The following ANKRD55 variants were observed in gnomAD, a reference collection of about 807,000 sequenced individuals.
The protein encoded by ANKRD55 is ankyrin repeat domain-containing protein 55.
In ANKRD55, 41 loss-of-function variants were observed where a neutral mutation model predicts 60.6. The observed-to-expected ratio is 0.68, with a 90% confidence interval of 0.53 to 0.88. The LOEUF (loss-of-function observed/expected upper bound fraction) is 0.88, where lower values mean the gene tolerates loss of function less well. Among genes scored for constraint, ANKRD55 ranks in the 40% least tolerant of loss-of-function variants. ANKRD55 has a pLI of 0.00. For missense variants in ANKRD55, 732 were observed against 767.6 expected, an observed-to-expected ratio of 0.95 and a Z score of 0.55; for synonymous variants, 264 against 290.3, an observed-to-expected ratio of 0.91 and a Z score of 0.92.
chr5:56,167,301 GTGACTGTACTAGACAC>G (rs1262763578), intron 5 of ANKRD55, among the ~76,000 whole-genome samples: 1 of 152,246 alleles, frequency 6.6e-6, no homozygotes, highest in East Asian at 1.9e-4. Context: ...TGCACAGCAT[GTGACTGTACTAGACAC>G]TGTAGGCAAT....
At chr5:56,168,751 C>T (rs1758541968) in intron 5 of ANKRD55, among the ~76,000 whole-genome samples, 1 of 152,214 alleles carries the variant, frequency 6.6e-6, no homozygotes, top group East Asian at 1.9e-4. Context: ...ATTCTGTGCT[C>T]TTAGGGGATG....
At chr5:56,161,476 A>C (rs559558471) in intron 5 of ANKRD55, among the ~76,000 whole-genome samples, 145 of 152,374 alleles carry the variant, frequency 9.5e-4, no homozygotes, top group Non-Finnish European at 1.8e-3. Flanking sequence ...CCTAAGTATT[A>C]AATTGTTACT....
At chr5:56,124,818 A>G (rs1580957180) in intron 8 of ANKRD55, among the ~76,000 whole-genome samples, 1 of 152,128 alleles carries the variant, frequency 6.6e-6, no homozygotes. Flanking sequence ...GAAAAATTCA[A>G]CTATTAACAG....
chr5:56,127,455 G>GT (rs1757301856), intron 7 of ANKRD55: 1 of 985,082 alleles, frequency 1.0e-6, no homozygotes, highest in African/African-American at 1.8e-5. Context: ...TTGCTCATTA[G>GT]GTCTGATCAT....
intron 2 of ANKRD55, among the ~76,000 whole-genome samples, chr5:56,210,560 CAAAAAAAAAAAA>C (rs59566826): frequency 1.4e-4 from 9 of 65,158 alleles, no homozygotes; most frequent in African/African-American, 3.5e-4. Flanking sequence ...GACTACGTCT[CAAAAAAAAAAAA>C]AAAAAAAAAA....
chr5:56,121,850 T>G (rs1188545421), intron 8 of ANKRD55, among the ~76,000 whole-genome samples: 4 of 152,200 alleles, frequency 2.6e-5, no homozygotes, highest in Admixed American at 1.3e-4. Context: ...CTGGGTAGAA[T>G]TAGACCCTGA....
chr5:56,101,146 C>G (rs1756259219), intron 11 of ANKRD55, among the ~76,000 whole-genome samples: 1 of 152,176 alleles, frequency 6.6e-6, no homozygotes, highest in South Asian at 2.1e-4. Context: ...CTAAAGAGTT[C>G]TAGAGCTCTT....
chr5:56,228,682 C>T (rs1760176359), intron 2 of ANKRD55, among the ~76,000 whole-genome samples: 1 of 152,160 alleles, frequency 6.6e-6, no homozygotes, highest in Admixed American at 6.5e-5. Context: ...ACCTTGGCTT[C>T]CCAAGCTGCT....
At chr5:56,155,861 A>C (rs1217567737) in intron 6 of ANKRD55, among the ~76,000 whole-genome samples, 1 of 151,996 alleles carries the variant, frequency 6.6e-6, no homozygotes, top group Non-Finnish European at 1.5e-5. Flanking sequence ...AAAAAAAAAA[A>C]AAAACCAAAA....
intron 6 of ANKRD55, among the ~76,000 whole-genome samples, chr5:56,153,424 A>G (rs1758104620): frequency 6.6e-6 from 1 of 152,134 alleles, no homozygotes. Flanking sequence ...TACAAGAAAC[A>G]CTCTTTAGAC....
intron 10 of ANKRD55, among the ~76,000 whole-genome samples, chr5:56,107,043 C>CT: frequency 6.6e-6 from 1 of 150,466 alleles, no homozygotes; most frequent in South Asian, 2.1e-4. Context: ...CCCTCACTCT[C>CT]TTTTGATAAA....
At chr5:56,115,071 A>T (rs1371514016) in intron 9 of ANKRD55, among the ~76,000 whole-genome samples, 1 of 151,890 alleles carries the variant, frequency 6.6e-6, no homozygotes. Flanking sequence ...ATGGTGGCAC[A>T]TGCCTAAAGT....
chr5:56,174,376 C>T (rs971671385), intron 4 of ANKRD55, among the ~76,000 whole-genome samples: 7 of 152,206 alleles, frequency 4.6e-5, no homozygotes, highest in Admixed American at 4.6e-4. Context: ...CTTTAGAAAC[C>T]CCTTCTATGC....
intron 5 of ANKRD55, among the ~76,000 whole-genome samples, chr5:56,168,637 A>C (rs1758539188): frequency 6.6e-6 from 1 of 152,208 alleles, no homozygotes; most frequent in Non-Finnish European, 1.5e-5. Context: ...CTTTGGTACT[A>C]TCTGAGGTTT....
rs1756209454 is a variant in ANKRD55 at position 56,099,758 on chromosome 5, TTGTC to T, written c.*421_*424del. On this transcript the variant is annotated 3_prime_UTR_variant, in exon 12 of 12. Coordinates refer to ENST00000341048, the MANE Select transcript of ANKRD55 (RefSeq NM_024669.3). ...AATGACAATAAATGTGAAGACATGT[TTGTC>T]TGGGATGTGGTTTTTTTTTTGTTTT... 1 of 158,250 alleles carries T rather than the reference TTGTC, an allele frequency of 6.3e-6. No homozygotes were observed. Among genetic ancestry groups the T allele is most frequent in the African/African-American group, 2.4e-5 (1 of 41,476 alleles). 9.8% of individuals were successfully genotyped at this position (158,250 alleles called of 1,614,324 possible). A position where few individuals can be genotyped will look rare whatever the true frequency, so the allele number is the denominator to read the frequency against.
At chr5:56,196,158 G>A (rs548612757) in intron 2 of ANKRD55, among the ~76,000 whole-genome samples, 14 of 152,050 alleles carry the variant, frequency 9.2e-5, no homozygotes, top group Admixed American at 3.3e-4. Context: ...TAATATTTCC[G>A]TGTCTCAATT....
intron 2 of ANKRD55, among the ~76,000 whole-genome samples, chr5:56,215,626 T>C (rs1209866790): frequency 1.3e-5 from 2 of 152,152 alleles, no homozygotes; most frequent in Non-Finnish European, 1.5e-5. Context: ...AAAGTATATC[T>C]TGGTATGAAG....
Position 56,135,277 on chromosome 5 carries a change from TCCCTGCCTGCC to T in ANKRD55, c.613-8182_613-8172del, listed in dbSNP as rs1561263870. Among the ~76,000 whole-genome samples, 39 of 99,268 alleles carry T rather than the reference TCCCTGCCTGCC, an allele frequency of 3.9e-4. 1 individual carries two copies. The highest frequency in any genetic ancestry group is 6.2e-4 in the Non-Finnish European group (30 of 48,546). The allele number at this position is 99,268 out of a possible 152,430, so 65.1% of individuals were successfully genotyped here. On this transcript the variant is annotated intron_variant, in intron 7 of 11. Transcript: ENST00000341048. ...TTCCTTCCTTCTTTCCCTCCCTCCC[TCCCTGCCTGCC>T]TGCTTGCTTTCTTTCTTTCTTTCTT...
intron 2 of ANKRD55, among the ~76,000 whole-genome samples, chr5:56,216,743 T>G (rs1282220932): frequency 6.6e-6 from 1 of 152,134 alleles, no homozygotes; most frequent in Non-Finnish European, 1.5e-5. Context: ...GTCCATGAAG[T>G]CTGAGAGAAA....
Sources: gnomAD v4.1 joint callset for allele counts (sites outside exome capture counted in the v4.1 genomes callset) on GRCh38, gnomAD v4.1.1 for gene constraint, MANE v1.5 for transcripts, NCBI Gene and HGNC (gene_info 2026-07-23, HGNC 2026-07-21) for gene names.